Variants in PRKCE observed in about 807,000 individuals in gnomAD.
PRKCE encodes the protein protein kinase C epsilon type.
In PRKCE, 16 loss-of-function variants were observed where a neutral mutation model predicts 85.4. The ratio of observed to expected loss-of-function variants is 0.19; its 90% CI spans 0.13 to 0.28. The LOEUF is 0.28. Ranked by LOEUF, PRKCE falls within the 10% of genes least tolerant of loss-of-function variation. PRKCE has a pLI of 1.00. For synonymous variants in PRKCE, 388 were observed against 371.5 expected (o/e 1.04, Z -0.51); for missense variants, 573 against 975.2 (o/e 0.59, Z 5.49).
At chr2:45,968,453 A>G (rs1019136199) in intron 2 of PRKCE, among the ~76,000 whole-genome samples, 1 of 152,206 alleles carries the variant, frequency 6.6e-6, no homozygotes, top group Non-Finnish European at 1.5e-5. Context: ...ACAAAGTGGT[A>G]TAATGGACAT....
Position 45,937,757 on chromosome 2 carries a change from C to T in PRKCE, c.413-38672C>T, listed in dbSNP as rs1420456513. 2.6e-5 allele frequency among the ~76,000 whole-genome samples: 4 copies of T among 152,226 alleles called. No homozygotes were observed. In the East Asian group the frequency reaches 5.8e-4, roughly 22 times the overall value. Reference sequence around the variant, plus strand: ...AAGAAAACTTGTAGGTATATATCATCGTTCCAACAAAAGCTGCCATTATCG... The same window carrying T: ...AAGAAAACTTGTAGGTATATATCATTGTTCCAACAAAAGCTGCCATTATCG... On this transcript the variant is annotated intron_variant, in intron 2 of 14. Transcript: ENST00000306156.
chr2:45,957,237 C>T (rs1222429758), intron 2 of PRKCE, among the ~76,000 whole-genome samples: 2 of 152,334 alleles, frequency 1.3e-5, no homozygotes, highest in Non-Finnish European at 2.9e-5. Context: ...TGTTTTCCTC[C>T]ACTGTTTTAT....
At chr2:45,962,717 G>A (rs1701463262) in intron 2 of PRKCE, among the ~76,000 whole-genome samples, 1 of 152,168 alleles carries the variant, frequency 6.6e-6, no homozygotes, top group African/African-American at 2.4e-5. Context: ...CTGGGAATCT[G>A]GCAAATTTCC....
At chr2:46,029,283 G>A (rs1707348553) in intron 10 of PRKCE, among the ~76,000 whole-genome samples, 1 of 152,196 alleles carries the variant, frequency 6.6e-6, no homozygotes, top group Non-Finnish European at 1.5e-5. Flanking sequence ...TTTGAACCAA[G>A]GCAGTTTCTG....
At chr2:45,687,631 C>G (rs958504985) in intron 1 of PRKCE, among the ~76,000 whole-genome samples, 1 of 152,150 alleles carries the variant, frequency 6.6e-6, no homozygotes, top group Non-Finnish European at 1.5e-5. Context: ...ATCTAAATGT[C>G]TTTCATTACT....
intron 2 of PRKCE, among the ~76,000 whole-genome samples, chr2:45,945,097 T>C (rs2711297): frequency 6.6e-6 from 1 of 152,042 alleles, no homozygotes; most frequent in East Asian, 1.9e-4. Flanking sequence ...ACCAATGCAT[T>C]AAGAGTAAGA....
chr2:45,913,941 AC>A (rs149664693), intron 2 of PRKCE, among the ~76,000 whole-genome samples: 1,794 of 152,272 alleles, frequency 0.012, 41 homozygotes, highest in African/African-American at 0.041. Flanking sequence ...AAGAATTTGT[AC>A]CCTCCTTTCT....
At chr2:45,879,308 T>C (rs1694708736) in intron 2 of PRKCE, among the ~76,000 whole-genome samples, 1 of 152,224 alleles carries the variant, frequency 6.6e-6, no homozygotes, top group Non-Finnish European at 1.5e-5. Flanking sequence ...CTCCATCCCC[T>C]TTCCCGCTCC....
Position 45,907,293 on chromosome 2 carries a change from C to T in PRKCE, c.412+64230C>T, listed in dbSNP as rs1420237497. On this transcript the variant is annotated intron_variant, in intron 2 of 14. Transcript: ENST00000306156. This position sits in a 1 kb window ranked among gnomAD's most constrained non-coding sequence, Gnocchi z 4.5. ...GCAAAGGAAAAAATAAATCAGCCCC[C>T]TATTGAGTGACTTTCAGGAATGAGA... Among the ~76,000 whole-genome samples, 1 of 152,162 alleles carries T rather than the reference C, an allele frequency of 6.6e-6. No individual in the cohort carries two copies. The highest frequency in any genetic ancestry group is 1.9e-4 in the East Asian group (1 of 5,202).
chr2:45,911,584 G>C (rs1481196703), intron 2 of PRKCE, among the ~76,000 whole-genome samples: 1 of 152,144 alleles, frequency 6.6e-6, no homozygotes, highest in Non-Finnish European at 1.5e-5. Context: ...GTAGGCAGAG[G>C]GATGGGCTGA....
chr2:46,025,659 C>G (rs1707050176), intron 10 of PRKCE, among the ~76,000 whole-genome samples: 1 of 152,222 alleles, frequency 6.6e-6, no homozygotes, highest in African/African-American at 2.4e-5. Context: ...CTCTCGCTGT[C>G]TCATAAGGGA....
intron 2 of PRKCE, among the ~76,000 whole-genome samples, chr2:45,962,469 G>T (rs1300141472): frequency 1.3e-5 from 2 of 152,170 alleles, no homozygotes; most frequent in Non-Finnish European, 2.9e-5. Context: ...TCATTAAACT[G>T]AAAACGCCCA....
chr2:45,931,111 G>A (rs1293673570), intron 2 of PRKCE, among the ~76,000 whole-genome samples: 1 of 152,188 alleles, frequency 6.6e-6, no homozygotes, highest in East Asian at 1.9e-4. Flanking sequence ...GATCCATCAT[G>A]CTTCAAAGTC....
At chr2:46,062,273 G>A (rs35200570) in intron 10 of PRKCE, among the ~76,000 whole-genome samples, 79,591 of 152,042 alleles carry the variant, frequency 0.52, 22,084 homozygotes, top group African/African-American at 0.72. Context: ...TTTTGTTGAG[G>A]ATAGGGTTTT....
chr2:45,998,656 A>G (rs2711287), intron 6 of PRKCE, among the ~76,000 whole-genome samples: 28,545 of 152,174 alleles, frequency 0.19, 3,660 homozygotes, highest in East Asian at 0.5. Flanking sequence ...ATTTGAAGTC[A>G]ATGATTATTG....
At chr2:45,699,205 C>T (rs1292869475) in intron 1 of PRKCE, among the ~76,000 whole-genome samples, 1 of 152,076 alleles carries the variant, frequency 6.6e-6, no homozygotes, top group Non-Finnish European at 1.5e-5. Flanking sequence ...AAAGGAGGGG[C>T]TCCCCCTAAT....
chr2:46,063,811 T>A (rs952868355), intron 10 of PRKCE, among the ~76,000 whole-genome samples: 2 of 152,202 alleles, frequency 1.3e-5, no homozygotes, highest in African/African-American at 4.8e-5. Flanking sequence ...GGAGTAGCAT[T>A]TTCCTATCAA....
chr2:46,125,410 A>G (rs1243998803), intron 11 of PRKCE, among the ~76,000 whole-genome samples: 1 of 152,222 alleles, frequency 6.6e-6, no homozygotes, highest in Non-Finnish European at 1.5e-5. Flanking sequence ...CTGGATTTAA[A>G]ATAAAAGTTT....
At chr2:45,818,413 C>T (rs1205635441) in intron 1 of PRKCE, among the ~76,000 whole-genome samples, 2 of 152,120 alleles carry the variant, frequency 1.3e-5, no homozygotes, top group Non-Finnish European at 2.9e-5. Context: ...AATACCCCAC[C>T]GGAAGTTTTA....
Sources: gnomAD v4.1 joint callset for allele counts (sites outside exome capture counted in the v4.1 genomes callset) on GRCh38, gnomAD v4.1.1 for gene constraint, Gnocchi (gnomAD v3.1) non-coding constraint, MANE v1.5 for transcripts, NCBI Gene and HGNC (gene_info 2026-07-23, HGNC 2026-07-21) for gene names.